ITGA2: variants seen among roughly 807,000 people sequenced by gnomAD.
ITGA2 encodes the protein integrin alpha-2.
In ITGA2, 101 loss-of-function variants were observed where a neutral mutation model predicts 146.3. The ratio of observed to expected loss-of-function variants is 0.69; its 90% CI spans 0.59 to 0.81. ITGA2 has a LOEUF of 0.81. Among genes scored for constraint, ITGA2 ranks in the 40% least tolerant of loss-of-function variants. The pLI, the probability that ITGA2 is intolerant of heterozygous loss-of-function variation, is 0.00. For missense variants in ITGA2, 1,281 were observed against 1,402.7 expected, an observed-to-expected ratio of 0.91 and a Z score of 1.39; for synonymous variants, 477 against 487.1, an observed-to-expected ratio of 0.98 and a Z score of 0.27.
At chr5:53,034,529 C>A (rs545021391) in intron 2 of ITGA2, among the ~76,000 whole-genome samples, 1 of 152,128 alleles carries the variant, frequency 6.6e-6, no homozygotes, top group Non-Finnish European at 1.5e-5. Flanking sequence ...ACATACACAC[C>A]CATTGTTTGT....
intron 1 of ITGA2, among the ~76,000 whole-genome samples, chr5:52,993,133 T>G (rs1741057925): frequency 6.6e-6 from 1 of 152,182 alleles, no homozygotes; most frequent in Non-Finnish European, 1.5e-5. Context: ...AGTAGAGAAC[T>G]TTTACTTTTG....
intron 2 of ITGA2, among the ~76,000 whole-genome samples, chr5:53,034,842 G>A (rs1743405904): frequency 6.6e-6 from 1 of 152,112 alleles, no homozygotes; most frequent in South Asian, 2.1e-4. Flanking sequence ...CCCATATGAT[G>A]GGAAAGCAAA....
At chr5:53,008,305 CTCT>C (rs780941959) in intron 1 of ITGA2, among the ~76,000 whole-genome samples, 83 of 149,074 alleles carry the variant, frequency 5.6e-4, no homozygotes, top group Non-Finnish European at 1.1e-3. Flanking sequence ...TCTCTGGTGT[CTCT>C]TCTTCTTGTA....
At chr5:53,015,754 A>G (rs980103313) in intron 1 of ITGA2, among the ~76,000 whole-genome samples, 1 of 152,066 alleles carries the variant, frequency 6.6e-6, no homozygotes, top group Non-Finnish European at 1.5e-5. Flanking sequence ...GACTTGTTTT[A>G]TGAATCTGGG....
chr5:53,079,808 G>A (rs1183098886), intron 24 of ITGA2, among the ~76,000 whole-genome samples: 1 of 152,064 alleles, frequency 6.6e-6, no homozygotes, highest in Admixed American at 6.6e-5. Context: ...ATGGTATCAA[G>A]TGCTTTACAT....
At chr5:53,036,729 T>A (rs1743509262) in intron 2 of ITGA2, among the ~76,000 whole-genome samples, 1 of 151,878 alleles carries the variant, frequency 6.6e-6, no homozygotes, top group African/African-American at 2.4e-5. Flanking sequence ...TTTCTCCCAC[T>A]AGAATGTAAG....
intron 13 of ITGA2, 63 bp from the exon 14 acceptor site, chr5:53,064,849 T>C: frequency 1.3e-6 from 2 of 1,526,068 alleles, no homozygotes; most frequent in Non-Finnish European, 1.8e-6. Flanking sequence ...CCAGCTGCTC[T>C]GAATTTTAAT....
At chr5:52,992,985 T>A (rs1310957473) in intron 1 of ITGA2, among the ~76,000 whole-genome samples, 1 of 152,146 alleles carries the variant, frequency 6.6e-6, no homozygotes, top group Non-Finnish European at 1.5e-5. Context: ...CACCTGATCA[T>A]ACCATATTTA....
chr5:53,090,160 C>G, intron 29 of ITGA2, 98 bp downstream of exon 29: 1 of 786,664 alleles, frequency 1.3e-6, no homozygotes, highest in Non-Finnish European at 2.3e-6. Context: ...GGTACCTTCT[C>G]TATCACAAGG....
intron 1 of ITGA2, among the ~76,000 whole-genome samples, chr5:52,993,076 T>G (rs759326775): frequency 2.6e-5 from 4 of 152,230 alleles, no homozygotes; most frequent in Non-Finnish European, 4.4e-5. Flanking sequence ...TCTTTGCAAC[T>G]GACCATTATC....
chr5:53,067,267 T>A lies in ITGA2; in HGVS notation c.2083+10T>A, dbSNP rs1038128024. On this transcript the variant is annotated intron_variant, in intron 16 of 29. Transcript: ENST00000296585. ...CAAAACAATCAAGTGGGTGCGTAGA[T>A]CTGAAATAATCTGTATAGAAATTGG... The A allele has an allele frequency of 1.9e-6, 3 of 1,611,080 alleles. No individual in the cohort carries two copies. The highest frequency in any genetic ancestry group is 2.5e-6 in the Non-Finnish European group (3 of 1,178,336).
chr5:52,989,503 CGCTGCT>C lies in ITGA2; in HGVS notation c.40_45del (p.Leu14_Leu15del). 6.2e-7 allele frequency: 1 copy of C among 1,613,512 alleles called. No homozygotes were observed. On this transcript the variant is annotated inframe_deletion, in exon 1 of 30. Transcript: ENST00000296585. ...GAACGGACAGGGGCCGCGCCGCTGCCGCTGCTGCTGGTGTTAGCGCTCAGTCAAGGT... is the reference window on the plus strand; with the variant it reads ...GAACGGACAGGGGCCGCGCCGCTGCCGCTGGTGTTAGCGCTCAGTCAAGGT...
At chr5:53,082,878 C>G (rs1745990875) in intron 26 of ITGA2, among the ~76,000 whole-genome samples, 1 of 152,106 alleles carries the variant, frequency 6.6e-6, no homozygotes, top group African/African-American at 2.4e-5. Flanking sequence ...GATCCTTTTT[C>G]TGTCAACTTG....
chr5:52,994,008 C>A (rs1319319977), intron 1 of ITGA2, among the ~76,000 whole-genome samples: 2 of 152,110 alleles, frequency 1.3e-5, no homozygotes, highest in African/African-American at 4.8e-5. Context: ...GAGTGGCTCC[C>A]TACAGGGGAG....
At chr5:53,004,942 A>C (rs1432727668) in intron 1 of ITGA2, among the ~76,000 whole-genome samples, 1 of 61,802 alleles carries the variant, frequency 1.6e-5, no homozygotes, top group Non-Finnish European at 3.0e-5. Context: ...TTGGAGGGGG[A>C]GGAGAGGACT....
At chr5:53,066,036 C>T (rs1745134071) in intron 15 of ITGA2, 59 bp downstream of exon 15, 1 of 1,493,648 alleles carries the variant, frequency 6.7e-7, no homozygotes, top group South Asian at 1.1e-5. Context: ...GAAAGCAGAA[C>T]AGATGTCTGT....
intron 2 of ITGA2, among the ~76,000 whole-genome samples, chr5:53,027,818 AC>A (rs544633617): frequency 8.1e-4 from 124 of 152,296 alleles, no homozygotes; most frequent in Non-Finnish European, 1.2e-3. Flanking sequence ...GCAGTGGCTC[AC>A]GCTTGTAATC....
At chr5:52,997,274 A>G (rs1337056460) in intron 1 of ITGA2, among the ~76,000 whole-genome samples, 1 of 152,214 alleles carries the variant, frequency 6.6e-6, no homozygotes, top group African/African-American at 2.4e-5. Context: ...TTCTGTCAGC[A>G]AAGATTCCTG....
In ITGA2 at chr5:53,088,175, A is replaced by T. The variant is rs3212642; in HGVS notation, c.3348+1134A>T. 8.9e-3 allele frequency among the ~76,000 whole-genome samples: 1,349 copies of T among 152,302 alleles called. 25 individuals are homozygous for T. Among genetic ancestry groups the T allele is most frequent in the African/African-American group, 0.031 (1,276 of 41,554 alleles). On this transcript the variant is annotated intron_variant, in intron 28 of 29. Transcript: ENST00000296585. Reference sequence around the variant, plus strand: ...GGGAGAAGTATTATAGATTTTTTTTAAAAGCTCATTTTAGAAAAACATAGT... The same window carrying T: ...GGGAGAAGTATTATAGATTTTTTTTTAAAGCTCATTTTAGAAAAACATAGT...
Sources: allele counts gnomAD v4.1 joint callset (sites outside exome capture counted in the v4.1 genomes callset), GRCh38; gene constraint gnomAD v4.1.1; transcripts MANE v1.5; gene names NCBI Gene and HGNC (gene_info 2026-07-23, HGNC 2026-07-21).